The following LACTBL1 variants were observed in gnomAD, a reference collection of about 807,000 sequenced individuals.
LACTBL1 encodes lactamase beta like 1.
In LACTBL1, 29 loss-of-function variants were observed where a neutral mutation model predicts 39.6. The observed-to-expected ratio is 0.73, with a 90% confidence interval of 0.55 to 1.00. The LOEUF (loss-of-function observed/expected upper bound fraction) is 1.00, where lower values mean the gene tolerates loss of function less well. LACTBL1 is among the 50% of genes least tolerant of loss of function. The pLI, the probability that LACTBL1 is intolerant of heterozygous loss-of-function variation, is 0.00. For synonymous variants in LACTBL1, 361 were observed against 360.7 expected, an observed-to-expected ratio of 1.00 and a Z score of -0.01; for missense variants, 711 against 748.5, an observed-to-expected ratio of 0.95 and a Z score of 0.59.
At chr1:22,962,412 A>T (rs1340241983) in intron 2 of LACTBL1, among the ~76,000 whole-genome samples, 2 of 151,974 alleles carry the variant, frequency 1.3e-5, no homozygotes, top group African/African-American at 4.8e-5. Flanking sequence ...ACTCATCTCC[A>T]TGTCTCCCAT....
At chr1:22,953,864 C>T (rs1640735019) in exon 6 of LACTBL1, 4 of 1,548,782 alleles carry the variant, frequency 2.6e-6, no homozygotes, top group Non-Finnish European at 3.5e-6. Context: ...AAGCCCGCGG[C>T]CAGGCGCGCG....
At chr1:22,958,831 T>C in exon 4 of LACTBL1, 2 of 1,550,610 alleles carry the variant, frequency 1.3e-6, no homozygotes, top group South Asian at 1.2e-5. Context: ...GGCATACCGC[T>C]CCAGAGGGTC....
chr1:22,963,765 A>G (rs1197314522), intron 1 of LACTBL1, among the ~76,000 whole-genome samples: 1 of 152,020 alleles, frequency 6.6e-6, no homozygotes, highest in African/African-American at 2.4e-5. Context: ...AGGCTGTGAT[A>G]TCATCACAGC....
chr1:22,956,786 C>T (rs975705381), intron 4 of LACTBL1, among the ~76,000 whole-genome samples: 7 of 151,976 alleles, frequency 4.6e-5, no homozygotes, highest in Non-Finnish European at 7.4e-5. Flanking sequence ...CCAACCTTGT[C>T]GACTTCATCT....
upstream of LACTBL1, among the ~76,000 whole-genome samples, chr1:22,969,716 T>G (rs1640919525): frequency 6.6e-6 from 1 of 151,556 alleles, no homozygotes; most frequent in Non-Finnish European, 1.5e-5. Context: ...TCCTTTTCCA[T>G]CAGAAAAACT....
chr1:22,972,382 A>T, the LACTBL1 span: 2 of 985,086 alleles, frequency 2.0e-6, no homozygotes, highest in African/African-American at 3.5e-5. Context: ...GAGATCCCGT[A>T]AGCAGGAAAC....
At chr1:22,955,172 C>T (rs1056254754) in intron 5 of LACTBL1, 149 bp downstream of exon 7, 3 of 596,700 alleles carry the variant, frequency 5.0e-6, no homozygotes, top group African/African-American at 3.7e-5. Context: ...GCTGGCCTCC[C>T]CTCTCTAGGT....
rs569316711 is a variant in LACTBL1 at position 22,965,257 on chromosome 1, T to C, written c.49+33A>G. ...AAGCCCAGGAGGACCCAGGGGGCTA[T>C]GGGGAGGAACTCAAGGCTGTCTCTG... On this transcript the variant is annotated intron_variant, in intron 1 of 5. Coordinates refer to ENST00000426928, the Ensembl canonical transcript of LACTBL1. 13 of 1,306,574 alleles carry C rather than the reference T, an allele frequency of 9.9e-6. No homozygotes were observed. The Admixed American group carries it at 2.0e-4, about 20-fold the overall frequency. 80.9% of individuals were successfully genotyped at this position (1,306,574 alleles called of 1,614,324 possible).
At chr1:22,953,859 C>A in exon 6 of LACTBL1, 1 of 1,548,708 alleles carries the variant, frequency 6.5e-7, no homozygotes, top group Non-Finnish European at 8.7e-7. Context: ...CGTAGAAGCC[C>A]GCGGCCAGGC....
exon 1 of LACTBL1, chr1:22,965,305 GGAGGTGATA>G: frequency 7.6e-7 from 1 of 1,324,214 alleles, no homozygotes. Flanking sequence ...TTCAGCTTGG[GGAGGTGATA>G]CTGCCACAGG....
exon 4 of LACTBL1, chr1:22,958,839 G>T (rs1640787900): frequency 6.4e-7 from 1 of 1,550,658 alleles, no homozygotes; most frequent in East Asian, 2.4e-5. Flanking sequence ...GCTCCAGAGG[G>T]TCATCTAGGG....
chr1:22,967,073 A>C (rs1640887330), upstream of LACTBL1, among the ~76,000 whole-genome samples: 3 of 152,272 alleles, frequency 2.0e-5, no homozygotes, highest in South Asian at 6.2e-4. Context: ...TTCTCTACAA[A>C]AAAATTAAAC....
exon 6 of LACTBL1, chr1:22,954,005 C>G: frequency 6.5e-7 from 1 of 1,539,514 alleles, no homozygotes; most frequent in Non-Finnish European, 8.8e-7. Context: ...AGCGAGAAGG[C>G]CAGCGTGCTG....
exon 6 of LACTBL1, chr1:22,953,748 G>T (rs1640733298): frequency 7.2e-7 from 1 of 1,388,956 alleles, no homozygotes; most frequent in African/African-American, 1.5e-5. Context: ...CGCCGCCCAG[G>T]AGCGCCACGG....
intron 5 of LACTBL1, among the ~76,000 whole-genome samples, chr1:22,954,679 A>G (rs115574691): frequency 0.012 from 1,807 of 152,330 alleles, 42 homozygotes; most frequent in African/African-American, 0.041. Context: ...CAGAGCTGAG[A>G]GGAGGACTCC....
chr1:22,953,539 C>A, exon 6 of LACTBL1: 2 of 1,247,794 alleles, frequency 1.6e-6, no homozygotes, highest in Non-Finnish European at 1.0e-6. Flanking sequence ...CAGCACCAGG[C>A]CCAGACGCAG....
chr1:22,965,218 G>A lies in LACTBL1; in HGVS notation c.49+72C>T. 6 of 1,244,724 alleles carry A rather than the reference G, an allele frequency of 4.8e-6. No individual in the cohort carries two copies. The South Asian group carries it at 1.8e-4, about 37-fold the overall frequency. 77.1% of individuals were successfully genotyped at this position (1,244,724 alleles called of 1,614,324 possible). ...GGTCCTCCCCTACACACTAGAATCA[G>A]GGGTGGCAGCTCAAAGCCCAGGAGG... is the stretch of plus-strand genomic sequence containing the variant. On this transcript the variant is annotated intron_variant, in intron 1 of 5. Coordinates refer to ENST00000426928, the Ensembl canonical transcript of LACTBL1.
chr1:22,956,129 C>T (rs309507), intron 4 of LACTBL1, among the ~76,000 whole-genome samples: 106,444 of 149,470 alleles, frequency 0.71, 38,091 homozygotes, highest in East Asian at 0.85. Context: ...TCCCAGCACT[C>T]TGGGAGGCTG....
chr1:22,965,366 G>GCAGATGGCCGGGAGGAGCCACTTCTTCTT, upstream of LACTBL1: 1 of 1,273,508 alleles, frequency 7.9e-7, no homozygotes, highest in Non-Finnish European at 1.0e-6. Flanking sequence ...AGAAGAAGCT[G>GCAGATGGCCGGGAGGAGCCACTTCTTCTT]CAGATGGCCG....
Sources: gnomAD v4.1 joint callset for allele counts (sites outside exome capture counted in the v4.1 genomes callset) on GRCh38, gnomAD v4.1.1 for gene constraint, MANE v1.5 for transcripts, NCBI Gene and HGNC (gene_info 2026-07-23, HGNC 2026-07-21) for gene names.